The following PYROXD2 variants were observed in gnomAD, a reference collection of about 807,000 sequenced individuals.
The protein encoded by PYROXD2 is pyridine nucleotide-disulfide oxidoreductase domain-containing protein 2.
PYROXD2 carries 69 observed loss-of-function variants against 71.1 expected under a neutral mutation model. The ratio of observed to expected loss-of-function variants is 0.97; its 90% CI spans 0.80 to 1.19. The LOEUF (loss-of-function observed/expected upper bound fraction) is 1.19. Among genes scored for constraint, PYROXD2 ranks in the 50% most tolerant of loss-of-function variants. PYROXD2 has a pLI of 0.00. For missense variants in PYROXD2, 745 were observed against 748.9 expected, an observed-to-expected ratio of 0.99 and a Z score of 0.06; for synonymous variants, 287 against 302.7, an observed-to-expected ratio of 0.95 and a Z score of 0.54.
chr10:98,397,678 G>C (rs1843239155), intron 5 of PYROXD2, among the ~76,000 whole-genome samples, 180 bp from the exon 6 acceptor site: 1 of 152,124 alleles, frequency 6.6e-6, no homozygotes, highest in Non-Finnish European at 1.5e-5. Flanking sequence ...ATCAACACCA[G>C]GAAGAGTGCA....
At chr10:98,391,365 A>G (rs1338109019) in intron 10 of PYROXD2, among the ~76,000 whole-genome samples, 1 of 152,040 alleles carries the variant, frequency 6.6e-6, no homozygotes, top group Non-Finnish European at 1.5e-5. Flanking sequence ...TCTTTTCACT[A>G]CTGGTCTGTA....
At position 98,400,102 on chromosome 10, in the gene PYROXD2, C is replaced by G; in HGVS notation, c.471G>C (p.Gln157His). The G allele has an allele frequency of 6.2e-7, 1 of 1,612,578 alleles. No homozygotes were observed. Among genetic ancestry groups the G allele is most frequent in the Non-Finnish European group, 8.5e-7 (1 of 1,179,260 alleles). Residue 157 changes from glutamine (Q) to histidine (H), a missense_variant and splice_region_variant, in exon 5 of 16, where the codon CAG (glutamine) becomes CAC (histidine). By Grantham distance (24) the Gln-to-His change is conservative (BLOSUM62 0). Transcript: ENST00000370575. The part of the protein sequence containing the change: ...QIAQFSQKDA[Q>H]VFPKYEEFMH... ...CTCAGTCACTGGTCGCCTTCCCTAC[C>G]TGGGCATCCTTCTGGGAGAACTGGG...
At chr10:98,399,805 G>A (rs1406082868) in intron 5 of PYROXD2, among the ~76,000 whole-genome samples, 3 of 152,228 alleles carry the variant, frequency 2.0e-5, no homozygotes, top group Non-Finnish European at 4.4e-5. Context: ...GTGTAAGAAC[G>A]TGCCAGTGCA....
chr10:98,397,493 A>G lies in PYROXD2; in HGVS notation c.477T>C (p.Phe159=). Residue 159 remains phenylalanine (F), a synonymous_variant, in exon 6 of 16, where the codon TTT becomes TTC. Transcript: ENST00000370575. The part of the protein sequence containing the change: ...AQFSQKDAQV[F]PKYEEFMHRL... ...GATGCATGAACTCCTCATATTTGGGAAAGACCTGGAACAGAGCTCTGCATT... is the reference window on the plus strand; with the variant it reads ...GATGCATGAACTCCTCATATTTGGGGAAGACCTGGAACAGAGCTCTGCATT... 6.2e-7 allele frequency: 1 copy of G among 1,601,142 alleles called. No homozygotes were observed. The highest frequency in any genetic ancestry group is 8.5e-7 in the Non-Finnish European group (1 of 1,171,356).
chr10:98,383,934 G>A lies in PYROXD2; in HGVS notation c.1676-66C>T. The A allele has an allele frequency of 2.1e-6, 3 of 1,418,792 alleles. No individual in the cohort carries two copies. In the South Asian group the frequency reaches 3.4e-5, roughly 16 times the overall value. The allele number at this position is 1,418,792 out of a possible 1,614,324, so 87.9% of individuals were successfully genotyped here. A position where few individuals can be genotyped will look rare whatever the true frequency, so the allele number is the denominator to read the frequency against. ...ACCTGCCAGGGTGGGGGTGGGGACAGGGCTTACAGAGATCCAGCAACAAAG... is the reference window on the plus strand; with the variant it reads ...ACCTGCCAGGGTGGGGGTGGGGACAAGGCTTACAGAGATCCAGCAACAAAG... On this transcript the variant is annotated intron_variant, in intron 15 of 15. Transcript: ENST00000370575.
chr10:98,393,128 T>C (rs1008241460), intron 8 of PYROXD2, 45 bp from the exon 9 acceptor site: 1 of 1,435,346 alleles, frequency 7.0e-7, no homozygotes, highest in Non-Finnish European at 9.2e-7. Context: ...TGGGATCTCA[T>C]CTCCCCAGAG....
chr10:98,390,925 G>A (rs952349764), intron 11 of PYROXD2, 85 bp downstream of exon 11: 1 of 1,354,264 alleles, frequency 7.4e-7, no homozygotes, highest in Non-Finnish European at 1.1e-6. Context: ...TGGAGATGAT[G>A]ACTGAGTTCA....
intron 2 of PYROXD2, 93 bp downstream of exon 2, chr10:98,410,846 C>T (rs1020252465): frequency 6.5e-7 from 1 of 1,543,268 alleles, no homozygotes; most frequent in Non-Finnish European, 8.8e-7. Context: ...TCTCAAGGCC[C>T]TTATCCCACC....
intron 4 of PYROXD2, among the ~76,000 whole-genome samples, chr10:98,404,825 C>A (rs1002770386): frequency 1.3e-5 from 2 of 152,198 alleles, no homozygotes; most frequent in Non-Finnish European, 2.9e-5. Context: ...ACCACTGCCA[C>A]AGAATCAGAC....
At chr10:98,391,922 G>A (rs1202663381) in intron 10 of PYROXD2, among the ~76,000 whole-genome samples, 1 of 152,102 alleles carries the variant, frequency 6.6e-6, no homozygotes. Context: ...TCAGCAGCCG[G>A]CAAGCTGACC....
rs946486933 is a variant in PYROXD2, at chr10:98,383,678, C to A, written c.*120G>T. The stretch of plus-strand genomic sequence containing the variant: ...TCGTACGTTTTTTCTAAAATAATTT[C>A]TTGAGCATTGTGGTGGCCTTATGTA... On this transcript the variant is annotated 3_prime_UTR_variant, in exon 16 of 16. Transcript: ENST00000370575. The A allele has an allele frequency of 2.7e-5, 22 of 800,788 alleles. No homozygotes were observed. Among genetic ancestry groups the A allele is most frequent in the Non-Finnish European group, 4.1e-5 (19 of 462,444 alleles). 49.6% of individuals were successfully genotyped at this position (800,788 alleles called of 1,614,324 possible). A position where few individuals can be genotyped will look rare whatever the true frequency, so the allele number is the denominator to read the frequency against.
At position 98,384,961 on chromosome 10, in the gene PYROXD2, C is replaced by G; in HGVS notation, c.1661G>C (p.Ser554Thr). ...CPLQGLYLCG[S>T]GAHPGGGVMG... ...AGGTCACTCACCAGGATGAGCCCCA[C>G]TTCCACAGAGATACAGGCCCTGGAG... Residue 554 changes from serine (S) to threonine (T), a missense_variant, in exon 15 of 16, where the codon AGT (serine) becomes ACT (threonine). Coordinates refer to ENST00000370575, the MANE Select transcript of PYROXD2 (RefSeq NM_032709.3). The G allele has an allele frequency of 6.2e-7, 1 of 1,612,902 alleles. No individual in the cohort carries two copies. Among genetic ancestry groups the G allele is most frequent in the Non-Finnish European group, 8.5e-7 (1 of 1,179,704 alleles).
intron 8 of PYROXD2, among the ~76,000 whole-genome samples, chr10:98,393,359 C>T (rs79350317): frequency 0.014 from 2,194 of 152,324 alleles, 31 homozygotes; most frequent in Middle Eastern, 0.034. Context: ...GCTCCAGCTC[C>T]GGTGTCCAGC....
At chr10:98,397,262 AGGCTTGTGTCTAGGCATCGAGACAAT>A in intron 6 of PYROXD2, 57 bp downstream of exon 6, 1 of 1,469,418 alleles carries the variant, frequency 6.8e-7, no homozygotes, top group Non-Finnish European at 9.0e-7. Context: ...ATGGAGGTTC[AGGCTTGTGTCTAGGCATCGAGACAAT>A]GGGCTCACCT....
intron 1 of PYROXD2, chr10:98,414,632 G>T (rs147108323): frequency 2.7e-4 from 46 of 168,966 alleles, no homozygotes; most frequent in African/African-American, 9.9e-4. Flanking sequence ...TCACTTGTCT[G>T]TTGGCCCAGG....
At chr10:98,389,353 G>T (rs1401775146) in intron 12 of PYROXD2, among the ~76,000 whole-genome samples, 10 of 151,892 alleles carry the variant, frequency 6.6e-5, no homozygotes, top group Admixed American at 3.9e-4. Context: ...CCCCACCCTT[G>T]TCCAAGCCAC....
intron 1 of PYROXD2, among the ~76,000 whole-genome samples, chr10:98,414,539 A>T (rs1010964278): frequency 6.6e-6 from 1 of 152,130 alleles, no homozygotes; most frequent in Non-Finnish European, 1.5e-5. Flanking sequence ...AAATGACTGC[A>T]GTTTCTTGTG....
At chr10:98,388,652 C>T in intron 12 of PYROXD2, 144 bp from the exon 13 acceptor site, 1 of 967,688 alleles carries the variant, frequency 1.0e-6, no homozygotes, top group Non-Finnish European at 1.5e-6. Flanking sequence ...TGGTTGTCCA[C>T]CTGCACGGGC....
intron 5 of PYROXD2, among the ~76,000 whole-genome samples, chr10:98,398,340 G>A (rs551306440): frequency 1.4e-4 from 21 of 152,082 alleles, no homozygotes; most frequent in African/African-American, 4.6e-4. Flanking sequence ...ATCCACTTTC[G>A]AAAGCCTGGT....
Sources: allele counts gnomAD v4.1 joint callset (sites outside exome capture counted in the v4.1 genomes callset), GRCh38; gene constraint gnomAD v4.1.1; transcripts MANE v1.5; gene names NCBI Gene and HGNC (gene_info 2026-07-23, HGNC 2026-07-21).